Variants in ZYX observed in about 807,000 individuals in gnomAD.
The protein encoded by ZYX is zyxin-2.
ZYX carries 37 observed loss-of-function variants against 58.1 expected under a neutral mutation model. The observed-to-expected ratio is 0.64, with a 90% confidence interval of 0.49 to 0.84. ZYX has a LOEUF of 0.84. ZYX is among the 40% of genes least tolerant of loss of function. The pLI, the probability that ZYX is intolerant of heterozygous loss-of-function variation, is 0.00. For synonymous variants in ZYX, 324 were observed against 321.1 expected (o/e 1.01, Z -0.10); for missense variants, 762 against 761.6 (o/e 1.00, Z -0.01).
chr7:143,389,039 CTGG>C lies in ZYX; in HGVS notation c.1493+100_1493+102del. Reference sequence around the variant, plus strand: ...CTAGCCTCAGGACAGCCCCAAACCCCTGGTGGTGTTTTCTGGTCCCATGTCCTG... The same window carrying C: ...CTAGCCTCAGGACAGCCCCAAACCCCTGGTGTTTTCTGGTCCCATGTCCTG... On this transcript the variant is annotated intron_variant, in intron 8 of 9. Coordinates refer to ENST00000322764, the MANE Select transcript of ZYX (RefSeq NM_003461.5). The surrounding 1 kb of genome is among the most constrained non-coding windows in gnomAD (Gnocchi z 5.6). The C allele has an allele frequency of 7.0e-7, 1 of 1,431,874 alleles. No homozygotes were observed. The allele number at this position is 1,431,874 out of a possible 1,614,324, so 88.7% of individuals were successfully genotyped here.
rs1804589200 is a variant in ZYX at position 143,381,640 on chromosome 7, G to A, written c.69G>A (p.Gln23=). 3 of 1,612,362 alleles carry A rather than the reference G, an allele frequency of 1.9e-6. No homozygotes were observed. The highest frequency in any genetic ancestry group is 1.3e-5 in the African/African-American group (1 of 75,048). ...SVSAPAFYAP[Q]KKFGPVVAPK... ...CGGCTCCGGCTTTTTACGCCCCGCAGAAGAAGTTCGGCCCTGTGGTGGCCC... is the reference window on the plus strand; with the variant it reads ...CGGCTCCGGCTTTTTACGCCCCGCAAAAGAAGTTCGGCCCTGTGGTGGCCC... The change falls in exon 2 of 10, where the codon CAG becomes CAA. Residue 23 remains glutamine, a synonymous_variant. Coordinates refer to ENST00000322764, the MANE Select transcript of ZYX (RefSeq NM_003461.5).
Position 143,382,579 on chromosome 7 carries a change from C to T in ZYX, c.409-14C>T, listed in dbSNP as rs747548836. The T allele has an allele frequency of 1.2e-6, 2 of 1,613,660 alleles. No individual in the cohort carries two copies. The highest frequency in any genetic ancestry group is 1.7e-5 in the Admixed American group (1 of 60,024). ...AGAGGCATGGAATAGGTGCTCTGAC[C>T]TCTGACCCTCTAGCCCAGGGAGAAG... is the stretch of plus-strand genomic sequence containing the variant. On this transcript the variant is annotated splice_polypyrimidine_tract_variant and intron_variant, in intron 3 of 9. Coordinates refer to ENST00000322764, the MANE Select transcript of ZYX (RefSeq NM_003461.5).
At position 143,390,785 on chromosome 7, in the gene ZYX, C is replaced by T. The variant is rs1805042838; in HGVS notation, c.*103C>T. The T allele has an allele frequency of 3.4e-6, 3 of 892,500 alleles. No individual in the cohort carries two copies. The highest frequency in any genetic ancestry group is 5.3e-6 in the Non-Finnish European group (3 of 568,556). The allele number at this position is 892,500 out of a possible 1,614,324, so 55.3% of individuals were successfully genotyped here. The stretch of plus-strand genomic sequence containing the variant: ...CAGTTATTGTTTTGATGTCTAGCCC[C>T]TCCCATTTCCAACCCCTCCCTAGCA... On this transcript the variant is annotated 3_prime_UTR_variant, in exon 10 of 10. Transcript: ENST00000322764. The surrounding 1 kb of genome is among the most constrained non-coding windows in gnomAD (Gnocchi z 4.3).
intron 2 of ZYX, chr7:143,382,032 T>A (rs1014527257): frequency 3.3e-6 from 2 of 604,494 alleles, no homozygotes; most frequent in African/African-American, 3.7e-5. Flanking sequence ...GGGTCCGTTT[T>A]CCGAAGTGTA....
At chr7:143,386,423 G>T (rs1379006193) in intron 5 of ZYX, among the ~76,000 whole-genome samples, 1 of 152,116 alleles carries the variant, frequency 6.6e-6, no homozygotes, top group Non-Finnish European at 1.5e-5. Context: ...GCAGGTGGGG[G>T]CTCAGGAGAT....
Position 143,388,752 on chromosome 7 carries a change from C to T in ZYX, c.1315-15C>T, listed in dbSNP as rs767477318. ...GTGCCGGTTCCCTGCCAACCTCCTC[C>T]TGCTGCCTCCTCAGGACACCCTGGA... On this transcript the variant is annotated splice_polypyrimidine_tract_variant and intron_variant, in intron 7 of 9. Transcript: ENST00000322764. The surrounding 1 kb of genome is among the most constrained non-coding windows in gnomAD (Gnocchi z 7.5). 6.2e-7 allele frequency: 1 copy of T among 1,611,484 alleles called. No individual in the cohort carries two copies. The highest frequency in any genetic ancestry group is 8.5e-7 in the Non-Finnish European group (1 of 1,178,326).
chr7:143,381,550 A>C lies in ZYX; in HGVS notation c.-15-7A>C, dbSNP rs780495437. 40 of 1,603,832 alleles carry C rather than the reference A, an allele frequency of 2.5e-5. No homozygotes were observed. The highest frequency in any genetic ancestry group is 3.3e-5 in the Non-Finnish European group (39 of 1,175,712). On this transcript the variant is annotated splice_region_variant and splice_polypyrimidine_tract_variant and intron_variant, in intron 1 of 9. Transcript: ENST00000322764. ...TCCGCGCTGCGTAACCCGGCGACCCACCCCAGCAGCCCGGCCCGGCCATGG... is the reference window on the plus strand; with the variant it reads ...TCCGCGCTGCGTAACCCGGCGACCCCCCCCAGCAGCCCGGCCCGGCCATGG...
chr7:143,388,536 G>C lies in ZYX; in HGVS notation c.1192G>C (p.Val398Leu). Residue 398 changes from valine to leucine, a missense_variant, in exon 7 of 10, where the codon GTC becomes CTC. Val to Leu is a conservative substitution (Grantham distance 32). Transcript: ENST00000322764. The surrounding 1 kb of genome is among the most constrained non-coding windows in gnomAD (Gnocchi z 7.5). ...HQPLARAQPA[V>L]RALGQLFHIA... ...ACCCCTGGCCCGGGCGCAGCCAGCC[G>C]TCCGCGCTCTAGGGCAGCTGTTCCA... 2 of 1,610,708 alleles carry C rather than the reference G, an allele frequency of 1.2e-6. No individual in the cohort carries two copies. Among genetic ancestry groups the C allele is most frequent in the Non-Finnish European group, 1.7e-6 (2 of 1,179,940 alleles).
Position 143,382,360 on chromosome 7 carries a change from G to T in ZYX, c.321G>T (p.Ala107=), listed in dbSNP as rs746938055. 1 of 1,596,184 alleles carries T rather than the reference G, an allele frequency of 6.3e-7. No homozygotes were observed. Among genetic ancestry groups the T allele is most frequent in the Admixed American group, 1.8e-5 (1 of 57,062 alleles). The part of the protein sequence containing the change: ...PPPIEESFPP[A]PLEEEIFPSP... ...CGATCGAGGAATCATTTCCCCCTGC[G>T]CCTCTGGAGGAGGAGATCTTCCCTT... The change falls in exon 3 of 10, where the codon GCG becomes GCT. Residue 107 remains alanine, a synonymous_variant. Transcript: ENST00000322764.
rs375685421 is a variant in ZYX at position 143,390,547 on chromosome 7, T to G, written c.1615-31T>G. 2.7e-5 allele frequency: 41 copies of G among 1,504,154 alleles called. No individual in the cohort carries two copies. The African/African-American group carries it at 5.5e-4, about 20-fold the overall frequency. 93.2% of individuals were successfully genotyped at this position (1,504,154 alleles called of 1,614,324 possible). The stretch of plus-strand genomic sequence containing the variant: ...GTGGAGCAGAGCAGGGGCCTTCCGG[T>G]CCAGTGCCCCTCACCCTTCCTTCTT... On this transcript the variant is annotated intron_variant, in intron 9 of 9. Transcript: ENST00000322764. This position sits in a 1 kb window ranked among gnomAD's most constrained non-coding sequence, Gnocchi z 4.3.
At chr7:143,382,113 C>T in intron 2 of ZYX, 135 bp from the exon 3 acceptor site, 1 of 760,214 alleles carries the variant, frequency 1.3e-6, no homozygotes, top group Non-Finnish European at 2.1e-6. Flanking sequence ...GCGCCCTGCG[C>T]CCCTCCTTTG....
chr7:143,382,904 C>G lies in ZYX; in HGVS notation c.605C>G (p.Ser202Cys), dbSNP rs371699092. ...GGTAPLPPWK[S>C]PSSSQPLPQV... ...ACAGCACCCCTGCCTCCTTGGAAGTCCCCTTCCAGCTCCCAGCCTCTGCCC... is the reference window on the plus strand; with the variant it reads ...ACAGCACCCCTGCCTCCTTGGAAGTGCCCTTCCAGCTCCCAGCCTCTGCCC... Residue 202 changes from serine to cysteine, a missense_variant, in exon 5 of 10, where the codon TCC becomes TGC. Ser to Cys is a moderately radical substitution (Grantham distance 112). Transcript: ENST00000322764. 1.2e-6 allele frequency: 2 copies of G among 1,614,042 alleles called. No homozygotes were observed. Among genetic ancestry groups the G allele is most frequent in the Admixed American group, 3.3e-5 (2 of 60,008 alleles).
Position 143,388,912 on chromosome 7 carries a change from C to T in ZYX, c.1460C>T (p.Ala487Val), listed in dbSNP as rs2116594048. Residue 487 changes from alanine to valine, a missense_variant, in exon 8 of 10, where the codon GCC becomes GTC. Physicochemically the swap from Ala to Val is moderately conservative, Grantham distance 64. Coordinates refer to ENST00000322764, the MANE Select transcript of ZYX (RefSeq NM_003461.5). This position sits in a 1 kb window ranked among gnomAD's most constrained non-coding sequence, Gnocchi z 7.5. ...GGCACCTCCTTCATCGTGGACCAGG[C>T]CAACCGGCCCCACTGTGTCCCCGAC... ...LEGTSFIVDQANRPHCVPDYH... is the reference protein window; with the variant it reads ...LEGTSFIVDQVNRPHCVPDYH... 1 of 1,612,444 alleles carries T rather than the reference C, an allele frequency of 6.2e-7. No individual in the cohort carries two copies. The highest frequency in any genetic ancestry group is 2.2e-5 in the East Asian group (1 of 44,880).
rs1437964351 is a variant in ZYX, at chr7:143,384,528, T to C, written c.1023+1206T>C. On this transcript the variant is annotated intron_variant, in intron 5 of 9. Coordinates refer to ENST00000322764, the MANE Select transcript of ZYX (RefSeq NM_003461.5). The surrounding 1 kb of genome is among the most constrained non-coding windows in gnomAD (Gnocchi z 4.9). ...GGGTCAGGAGGGCTGGTGAAAGCAG[T>C]GTTTTTGGAAGCTTTCTGGAAAGTT... Among the ~76,000 whole-genome samples, 1 of 152,038 alleles carries C rather than the reference T, an allele frequency of 6.6e-6. No individual in the cohort carries two copies. The highest frequency in any genetic ancestry group is 1.5e-5 in the Non-Finnish European group (1 of 68,016).
chr7:143,381,642 A>C lies in ZYX; in HGVS notation c.71A>C (p.Lys24Thr). ...GCTCCGGCTTTTTACGCCCCGCAGA[A>C]GAAGTTCGGCCCTGTGGTGGCCCCA... ...VSAPAFYAPQ[K>T]KFGPVVAPKP... The change falls in exon 2 of 10, where the codon AAG (lysine) becomes ACG (threonine). Residue 24 changes from lysine (K) to threonine (T), a missense_variant. By Grantham distance (78) the Lys-to-Thr change is moderately conservative. Coordinates refer to ENST00000322764, the MANE Select transcript of ZYX (RefSeq NM_003461.5). The C allele has an allele frequency of 6.2e-7, 1 of 1,612,358 alleles. No homozygotes were observed. The highest frequency in any genetic ancestry group is 1.1e-5 in the South Asian group (1 of 91,026).
In ZYX at chr7:143,390,666, C is replaced by G. The variant is rs1460543164; in HGVS notation, c.1703C>G (p.Ala568Gly). The G allele has an allele frequency of 6.3e-7, 1 of 1,582,014 alleles. No individual in the cohort carries two copies. Among genetic ancestry groups the G allele is most frequent in the Non-Finnish European group, 8.6e-7 (1 of 1,163,830 alleles). The change falls in exon 10 of 10, where the codon GCT becomes GGT. Residue 568 changes from alanine (A) to glycine (G), a missense_variant. Physicochemically the swap from Ala to Gly is moderately conservative, Grantham distance 60 (BLOSUM62 0). Transcript: ENST00000322764. This position sits in a 1 kb window ranked among gnomAD's most constrained non-coding sequence, Gnocchi z 4.3. Reference sequence around the variant, plus strand: ...GTGCTCTGTCGGAAGTGCCACACTGCTAGAGCCCAGACCTGAGTGAGGACA... The same window carrying G: ...GTGCTCTGTCGGAAGTGCCACACTGGTAGAGCCCAGACCTGAGTGAGGACA... Reference protein sequence around the residue: ...GHVLCRKCHTARAQT With the variant: ...GHVLCRKCHTGRAQT
At chr7:143,383,955 T>A in intron 5 of ZYX, 2 of 256,698 alleles carry the variant, frequency 7.8e-6, no homozygotes, top group Non-Finnish European at 1.6e-5. Flanking sequence ...TTTCTCAATC[T>A]TTAACATTCT....
In ZYX at chr7:143,390,057, A is replaced by C. The variant is rs1416834538; in HGVS notation, c.1614+80A>C. 1.9e-6 allele frequency: 3 copies of C among 1,572,838 alleles called. No individual in the cohort carries two copies. Among genetic ancestry groups the C allele is most frequent in the East Asian group, 4.5e-5 (2 of 44,098 alleles). ...ATGCTGCTTACTAACTGGGAGGTGG[A>C]AAGCACCAGCATTCAGGAAACAGGG... On this transcript the variant is annotated intron_variant, in intron 9 of 9. Transcript: ENST00000322764. The surrounding 1 kb of genome is among the most constrained non-coding windows in gnomAD (Gnocchi z 4.3).
intron 5 of ZYX, among the ~76,000 whole-genome samples, chr7:143,385,376 TAGTG>T (rs1026673651): frequency 1.3e-5 from 2 of 149,858 alleles, no homozygotes; most frequent in African/African-American, 5.0e-5. Context: ...GTGTGTGTGT[TAGTG>T]TGTGGGTGTG....
Sources: allele counts gnomAD v4.1 joint callset (sites outside exome capture counted in the v4.1 genomes callset), GRCh38; gene constraint gnomAD v4.1.1; non-coding constraint Gnocchi (gnomAD v3.1); transcripts MANE v1.5; gene names NCBI Gene and HGNC (gene_info 2026-07-23, HGNC 2026-07-21).